Variants in LRBA observed in about 807,000 individuals in gnomAD.
The protein encoded by LRBA is lipopolysaccharide-responsive and beige-like anchor protein.
Under a neutral mutation model 330.0 loss-of-function variants are expected in LRBA, and 176 were observed. The ratio of observed to expected loss-of-function variants is 0.53; its 90% CI spans 0.47 to 0.60. The LOEUF (loss-of-function observed/expected upper bound fraction) is 0.60, where lower values mean the gene tolerates loss of function less well. Among genes scored for constraint, LRBA ranks in the 20% least tolerant of loss-of-function variants. The pLI is 0.00. For missense variants in LRBA, 3,259 were observed against 3,444.8 expected (o/e 0.95, Z 1.35); for synonymous variants, 1,230 against 1,193.0 (o/e 1.03, Z -0.64).
chr4:150,561,449 A>T (rs1768330301), intron 40 of LRBA, among the ~76,000 whole-genome samples: 1 of 152,224 alleles, frequency 6.6e-6, no homozygotes, highest in South Asian at 2.1e-4. Context: ...TAACATTATA[A>T]CAGAGAGATT....
At chr4:150,673,468 T>A (rs573939940) in intron 37 of LRBA, among the ~76,000 whole-genome samples, 13 of 152,328 alleles carry the variant, frequency 8.5e-5, no homozygotes, top group African/African-American at 3.1e-4. Flanking sequence ...CAGTATTTTC[T>A]CAGATGTATT....
chr4:150,471,854 T>TA, intron 42 of LRBA, 115 bp from the exon 43 acceptor site: 1 of 639,068 alleles, frequency 1.6e-6, no homozygotes, highest in Non-Finnish European at 2.8e-6. Context: ...CTATTCATGT[T>TA]AGACTAATGA....
At chr4:150,549,649 TA>T (rs1345127637) in intron 40 of LRBA, among the ~76,000 whole-genome samples, 3 of 152,180 alleles carry the variant, frequency 2.0e-5, no homozygotes, top group Admixed American at 1.3e-4. Flanking sequence ...CACTTTTACC[TA>T]TTTATAAAGT....
chr4:150,763,635 T>C (rs11733977), intron 34 of LRBA, among the ~76,000 whole-genome samples: 1,631 of 151,910 alleles, frequency 0.011, 20 homozygotes, highest in South Asian at 0.025. Context: ...GGTAGGAGAA[T>C]GATGACAAAA....
At position 150,415,325 on chromosome 4, in the gene LRBA, C is replaced by T. The variant is rs191232083; in HGVS notation, c.7194+113G>A. 1.6e-3 allele frequency: 1,298 copies of T among 791,390 alleles called. 3 individuals are homozygous for T. Among genetic ancestry groups the T allele is most frequent in the Non-Finnish European group, 2.3e-3 (1,151 of 504,972 alleles). The allele number at this position is 791,390 out of a possible 1,614,324, so 49.0% of individuals were successfully genotyped here. On this transcript the variant is annotated intron_variant, in intron 47 of 56. Coordinates refer to ENST00000651943, the MANE Select transcript of LRBA (RefSeq NM_001364905.1). Reference sequence around the variant, plus strand: ...GCTATTATGTCACTTTCAGTTAGTCCTATCACCTACAGCTTTGTCCAGAAG... The same window carrying T: ...GCTATTATGTCACTTTCAGTTAGTCTTATCACCTACAGCTTTGTCCAGAAG...
chr4:150,315,582 C>G lies in LRBA; in HGVS notation c.7672G>C (p.Val2558Leu). ...AVQDQPYQLP[V>L]EIDPLIASNT... Reference sequence around the variant, plus strand: ...AGACCTATGAGAGGATCGATTTCCACTGGCAGCTGGTATGGCTGGTCTTGT... The same window carrying G: ...AGACCTATGAGAGGATCGATTTCCAGTGGCAGCTGGTATGGCTGGTCTTGT... The change falls in exon 51 of 57, where the codon GTG becomes CTG. Residue 2558 changes from valine to leucine, a missense_variant. Transcript: ENST00000651943. 6.2e-7 allele frequency: 1 copy of G among 1,612,530 alleles called. No individual in the cohort carries two copies. Among genetic ancestry groups the G allele is most frequent in the Non-Finnish European group, 8.5e-7 (1 of 1,179,180 alleles).
chr4:150,828,151 A>C (rs1488661621), intron 30 of LRBA, 29 bp downstream of exon 30: 1 of 1,602,764 alleles, frequency 6.2e-7, no homozygotes, highest in South Asian at 1.1e-5. Context: ...ATGTAGAAAC[A>C]TACCAAAACG....
chr4:150,858,030 C>T (rs913365336), intron 22 of LRBA, among the ~76,000 whole-genome samples: 1 of 151,838 alleles, frequency 6.6e-6, no homozygotes, highest in African/African-American at 2.4e-5. Flanking sequence ...TAAAAGGTCT[C>T]GCACTAAAAT....
chr4:150,820,483 T>G (rs1024628304), intron 30 of LRBA, among the ~76,000 whole-genome samples: 4 of 152,062 alleles, frequency 2.6e-5, no homozygotes, highest in Non-Finnish European at 5.9e-5. Context: ...TAAAATTATT[T>G]ATATACTACC....
At chr4:150,817,731 T>C (rs964461924) in intron 30 of LRBA, among the ~76,000 whole-genome samples, 2 of 151,762 alleles carry the variant, frequency 1.3e-5, no homozygotes, top group African/African-American at 4.8e-5. Context: ...TATCTTTTGA[T>C]AATATATAAA....
In LRBA at chr4:150,968,255, G is replaced by A. The variant is rs535647085; in HGVS notation, c.217-39190C>T. Among the ~76,000 whole-genome samples, 234 of 152,102 alleles carry A rather than the reference G, an allele frequency of 1.5e-3. 1 individual carries two copies. The highest frequency in any genetic ancestry group is 2.9e-3 in the Non-Finnish European group (197 of 67,988). The stretch of plus-strand genomic sequence containing the variant: ...CTGACCTCAAGTGATCACCCACCTC[G>A]GCCTTCCAAAGTGCTGGGATCACAG... On this transcript the variant is annotated intron_variant, in intron 2 of 56. Transcript: ENST00000651943.
intron 47 of LRBA, among the ~76,000 whole-genome samples, chr4:150,372,560 CAAA>C (rs70937396): frequency 3.6e-4 from 37 of 101,654 alleles, no homozygotes; most frequent in Admixed American, 9.4e-4. Context: ...ATCCCATCTC[CAAA>C]AAAAAAAAAA....
intron 38 of LRBA, among the ~76,000 whole-genome samples, 164 bp from the exon 39 acceptor site, chr4:150,591,023 G>A (rs555307165): frequency 6.6e-6 from 1 of 152,170 alleles, no homozygotes; most frequent in African/African-American, 2.4e-5. Flanking sequence ...TGCCTGATCT[G>A]ACAAACTCGA....
chr4:150,325,038 A>T (rs1467696258), intron 49 of LRBA, among the ~76,000 whole-genome samples: 1 of 152,038 alleles, frequency 6.6e-6, no homozygotes, highest in Non-Finnish European at 1.5e-5. Context: ...ACTTGCTTTG[A>T]CCAATGAAAT....
chr4:150,493,474 T>A (rs903090372), intron 40 of LRBA, among the ~76,000 whole-genome samples: 2 of 152,212 alleles, frequency 1.3e-5, no homozygotes, highest in African/African-American at 4.8e-5. Context: ...CAGTCCATAT[T>A]TGATCCGCAT....
chr4:150,761,289 T>C (rs912033209), intron 35 of LRBA, among the ~76,000 whole-genome samples: 3 of 152,116 alleles, frequency 2.0e-5, no homozygotes, highest in African/African-American at 7.2e-5. Context: ...ACCACTGAAT[T>C]TTCTTTCCTT....
chr4:150,980,672 C>T (rs984899059), intron 2 of LRBA, among the ~76,000 whole-genome samples: 32 of 151,930 alleles, frequency 2.1e-4, no homozygotes, highest in Non-Finnish European at 5.9e-5. Context: ...AAGGGGAATC[C>T]AAATTGGAAA....
At chr4:150,751,009 T>C (rs1733461168) in intron 35 of LRBA, among the ~76,000 whole-genome samples, 1 of 151,962 alleles carries the variant, frequency 6.6e-6, no homozygotes, top group Admixed American at 6.6e-5. Context: ...CTATACCCCA[T>C]CATTATTTGA....
chr4:150,599,316 A>C (rs748747185), intron 37 of LRBA, among the ~76,000 whole-genome samples, 185 bp from the exon 38 acceptor site: 4 of 152,170 alleles, frequency 2.6e-5, no homozygotes, highest in African/African-American at 9.7e-5. Context: ...GAAAATAACA[A>C]TATCACCTTC....
Sources: gnomAD v4.1 joint callset for allele counts (sites outside exome capture counted in the v4.1 genomes callset) on GRCh38, gnomAD v4.1.1 for gene constraint, MANE v1.5 for transcripts, NCBI Gene and HGNC (gene_info 2026-07-23, HGNC 2026-07-21) for gene names.